Variants in GAS2 observed in about 807,000 individuals in gnomAD.
GAS2 encodes growth arrest-specific protein 2.
In GAS2, 20 loss-of-function variants were observed where a neutral mutation model predicts 37.5. The observed-to-expected ratio is 0.53, with a 90% CI of 0.37 to 0.77. The LOEUF (loss-of-function observed/expected upper bound fraction) is 0.77, where lower values mean the gene tolerates loss of function less well. GAS2 is among the 30% of genes least tolerant of loss of function. The pLI is 0.00. For missense variants in GAS2, 336 were observed against 373.4 expected (o/e 0.90, Z 0.82); for synonymous variants, 144 against 132.2 (o/e 1.09, Z -0.61).
intron 3 of GAS2, among the ~76,000 whole-genome samples, chr11:22,724,746 G>A (rs947370316): frequency 1.3e-5 from 2 of 151,860 alleles, no homozygotes; most frequent in Admixed American, 1.3e-4. Context: ...AATCAAATTC[G>A]AGTTGCAACA....
chr11:22,804,051 C>A (rs897467352), intron 7 of GAS2, among the ~76,000 whole-genome samples: 2 of 152,074 alleles, frequency 1.3e-5, no homozygotes, highest in African/African-American at 4.8e-5. Context: ...AGGAAGGATT[C>A]ACTTATCTGG....
At chr11:22,691,658 G>A (rs1590644311) in intron 3 of GAS2, among the ~76,000 whole-genome samples, 1 of 152,102 alleles carries the variant, frequency 6.6e-6, no homozygotes, top group East Asian at 1.9e-4. Context: ...TGATGAGATG[G>A]GAAGAATATA....
At chr11:22,699,353 CT>C (rs1850709575) in intron 3 of GAS2, among the ~76,000 whole-genome samples, 1 of 152,002 alleles carries the variant, frequency 6.6e-6, no homozygotes. Context: ...AGAGAAATGC[CT>C]TGTGGGGAAT....
In GAS2 at chr11:22,637,169, T is replaced by C. The variant is rs543879832; in HGVS notation, c.-21+11356T>C. On this transcript the variant is annotated intron_variant, in intron 1 of 5. Transcript: ENST00000528582. ...ATATATTACTTATGTTAATATTATA[T>C]TAATATATTACTTATGTTAATATTA... is the stretch of plus-strand genomic sequence containing the variant. 8.7e-4 allele frequency among the ~76,000 whole-genome samples: 108 copies of C among 124,706 alleles called. 8 individuals carry two copies. Among genetic ancestry groups the C allele is most frequent in the Non-Finnish European group, 3.7e-4 (24 of 64,286 alleles). The allele number at this position is 124,706 out of a possible 152,430, so 81.8% of individuals were successfully genotyped here.
intron 7 of GAS2, among the ~76,000 whole-genome samples, chr11:22,809,838 G>A (rs564092463): frequency 2.0e-5 from 3 of 152,152 alleles, no homozygotes; most frequent in Admixed American, 1.3e-4. Context: ...CGACACTTGA[G>A]CCAATTTCAG....
chr11:22,656,920 A>G (rs1316213430), intron 1 of GAS2, among the ~76,000 whole-genome samples: 1 of 152,198 alleles, frequency 6.6e-6, no homozygotes, highest in Non-Finnish European at 1.5e-5. Flanking sequence ...TTTAACTTTT[A>G]TGATGTATTT....
At chr11:22,662,008 A>T (rs1375934057), upstream of GAS2, among the ~76,000 whole-genome samples, 1 of 152,200 alleles carries the variant, frequency 6.6e-6, no homozygotes. Flanking sequence ...TGTTTTTGTG[A>T]AACATACTTA....
At chr11:22,785,391 C>T (rs915880152) in intron 7 of GAS2, among the ~76,000 whole-genome samples, 2 of 152,176 alleles carry the variant, frequency 1.3e-5, no homozygotes, top group South Asian at 4.1e-4. Context: ...TTGGAAACTG[C>T]TTTCCTGGAC....
chr11:22,736,086 G>A (rs1008957180), intron 4 of GAS2, among the ~76,000 whole-genome samples: 4 of 150,604 alleles, frequency 2.7e-5, no homozygotes, highest in East Asian at 3.9e-4. Context: ...TTTCTGTTTC[G>A]TAATATGTGT....
chr11:22,691,566 A>C (rs531468390), intron 3 of GAS2, among the ~76,000 whole-genome samples: 2 of 152,336 alleles, frequency 1.3e-5, no homozygotes, highest in East Asian at 3.9e-4. Flanking sequence ...TGCTGGCTAT[A>C]CAGCTAAATG....
intron 7 of GAS2, among the ~76,000 whole-genome samples, chr11:22,779,336 T>C (rs1476955225): frequency 6.6e-6 from 1 of 152,230 alleles, no homozygotes; most frequent in East Asian, 1.9e-4. Context: ...TCTTGTTTGT[T>C]CTGTAGCCAT....
Position 22,726,332 on chromosome 11 carries a change from C to G in GAS2, c.308C>G (p.Pro103Arg), listed in dbSNP as rs748405791. ...AAGATCCCATGCAAAACCAGTGCAC[C>G]CTCGGGCTCCTTTTTTGCCAGAGAC... is the stretch of plus-strand genomic sequence containing the variant. ...LKKIPCKTSA[P>R]SGSFFARDNT... Residue 103 changes from proline (P) to arginine (R), a missense_variant, in exon 4 of 8, where the codon CCC (proline) becomes CGC (arginine). Transcript: ENST00000454584. 5 of 1,612,164 alleles carry G rather than the reference C, an allele frequency of 3.1e-6. No individual in the cohort carries two copies. The South Asian group carries it at 4.4e-5, about 14-fold the overall frequency.
chr11:22,708,879 G>A (rs1188037343), intron 3 of GAS2, among the ~76,000 whole-genome samples: 1 of 152,284 alleles, frequency 6.6e-6, no homozygotes, highest in Non-Finnish European at 1.5e-5. Context: ...GGTGGGACTT[G>A]CAATTATTTG....
At chr11:22,646,151 G>A (rs775796477) in intron 1 of GAS2, among the ~76,000 whole-genome samples, 43 of 151,876 alleles carry the variant, frequency 2.8e-4, no homozygotes, top group Non-Finnish European at 5.3e-4. Context: ...AAAACAATTT[G>A]GTTTTCCTGT....
At chr11:22,712,216 A>G (rs1353604620) in intron 3 of GAS2, among the ~76,000 whole-genome samples, 4 of 152,206 alleles carry the variant, frequency 2.6e-5, no homozygotes, top group African/African-American at 9.6e-5. Flanking sequence ...CCACATGACA[A>G]CTTCACTGCT....
At chr11:22,714,379 A>G (rs1166156936) in intron 3 of GAS2, among the ~76,000 whole-genome samples, 2 of 152,172 alleles carry the variant, frequency 1.3e-5, no homozygotes, top group Non-Finnish European at 2.9e-5. Context: ...TTATAAAACA[A>G]TTACCGCTAC....
chr11:22,636,297 G>A (rs1470972020), intron 1 of GAS2, among the ~76,000 whole-genome samples: 1 of 152,084 alleles, frequency 6.6e-6, no homozygotes, highest in Non-Finnish European at 1.5e-5. Flanking sequence ...CAAACCATGG[G>A]AGTTAGGCAA....
intron 3 of GAS2, among the ~76,000 whole-genome samples, chr11:22,703,970 T>A (rs2134040313): frequency 6.6e-6 from 1 of 152,234 alleles, no homozygotes; most frequent in South Asian, 2.1e-4. Flanking sequence ...AATGTGGTAA[T>A]TTGCATATCT....
intron 7 of GAS2, among the ~76,000 whole-genome samples, chr11:22,782,995 A>G (rs1254753121): frequency 1.3e-5 from 2 of 152,046 alleles, no homozygotes; most frequent in Non-Finnish European, 2.9e-5. Context: ...ATAGTGGTTC[A>G]ATTCTTAGTT....
Sources: gnomAD v4.1 joint callset for allele counts (sites outside exome capture counted in the v4.1 genomes callset) on GRCh38, gnomAD v4.1.1 for gene constraint, MANE v1.5 for transcripts, NCBI Gene and HGNC (gene_info 2026-07-23, HGNC 2026-07-21) for gene names.